The following CAMK4 variants were observed in gnomAD, a reference collection of about 807,000 sequenced individuals.
CAMK4 encodes calcium/calmodulin dependent protein kinase IV.
A neutral mutation model predicts 44.9 loss-of-function variants in CAMK4; 22 were observed. The ratio of observed to expected loss-of-function variants is 0.49; its 90% CI spans 0.35 to 0.70. The LOEUF is 0.70. Among genes scored for constraint, CAMK4 ranks in the 30% least tolerant of loss-of-function variants. The probability of loss-of-function intolerance (pLI) is 0.01; values close to 1 mark genes in which losing one functional copy is unlikely to be tolerated. For missense variants in CAMK4, 498 were observed against 586.8 expected (o/e 0.85, Z 1.56); for synonymous variants, 218 against 215.4 (o/e 1.01, Z -0.11).
intron 1 of CAMK4, among the ~76,000 whole-genome samples, chr5:111,282,413 G>C (rs1243700535): frequency 6.6e-6 from 1 of 150,538 alleles, no homozygotes; most frequent in East Asian, 2.0e-4. Flanking sequence ...AATTTTTCTA[G>C]TATACATTGC....
intron 1 of CAMK4, among the ~76,000 whole-genome samples, chr5:111,280,590 A>G (rs1409096400): frequency 1.3e-5 from 2 of 152,230 alleles, no homozygotes; most frequent in African/African-American, 4.8e-5. Context: ...AGTTGTTTCT[A>G]TAGGAAAGCC....
intron 1 of CAMK4, among the ~76,000 whole-genome samples, chr5:111,273,665 T>TA (rs1397098265): frequency 1.2e-4 from 15 of 127,510 alleles, no homozygotes; most frequent in African/African-American, 3.3e-4. Context: ...CCGTCAGCTT[T>TA]AAAAAATGCA....
Position 111,486,067 on chromosome 5 carries a change from CA to C in CAMK4, c.*1605del, listed in dbSNP as rs754128093. On this transcript the variant is annotated 3_prime_UTR_variant, in exon 11 of 11. Transcript: ENST00000282356. ...ATCTTAAATTATGTTGGCTCTCCCT[CA>C]AAACTATTAAATTAGAAAACGAAAC... 1 of 152,162 alleles carries C rather than the reference CA, an allele frequency of 6.6e-6. No homozygotes were observed. The highest frequency in any genetic ancestry group is 1.5e-5 in the Non-Finnish European group (1 of 68,026). 9.4% of individuals were successfully genotyped at this position (152,162 alleles called of 1,614,324 possible).
At chr5:111,443,794 A>G (rs1007215215) in intron 5 of CAMK4, among the ~76,000 whole-genome samples, 3 of 152,170 alleles carry the variant, frequency 2.0e-5, no homozygotes, top group African/African-American at 4.8e-5. Flanking sequence ...TCTCAACACA[A>G]TGGAGTTTCT....
At chr5:111,230,392 A>G (rs1424580022) in intron 1 of CAMK4, among the ~76,000 whole-genome samples, 1 of 152,238 alleles carries the variant, frequency 6.6e-6, no homozygotes, top group Non-Finnish European at 1.5e-5. Context: ...AATGCCTCCA[A>G]GCTATACCAT....
Position 111,465,178 on chromosome 5 carries a change from G to A in CAMK4, c.626-8133G>A, listed in dbSNP as rs373055220. ...CCTACTAATGATGGTGTTGCCTAAG[G>A]ATCACTCCGGGTTGCACTTAAGGCA... On this transcript the variant is annotated intron_variant, in intron 7 of 10. Transcript: ENST00000282356. 2.7e-4 allele frequency among the ~76,000 whole-genome samples: 41 copies of A among 151,756 alleles called. No individual in the cohort carries two copies. In the South Asian group the frequency reaches 5.6e-3, roughly 21 times the overall value.
chr5:111,473,426 T>A, intron 8 of CAMK4, 40 bp downstream of exon 8: 1 of 1,288,194 alleles, frequency 7.8e-7, no homozygotes. Flanking sequence ...ACTATTTACC[T>A]TGCTGTGACA....
At chr5:111,264,255 G>A (rs1444432256) in intron 1 of CAMK4, among the ~76,000 whole-genome samples, 1 of 152,182 alleles carries the variant, frequency 6.6e-6, no homozygotes, top group African/African-American at 2.4e-5. Flanking sequence ...GTGATTTGCA[G>A]TTATCTTGGT....
intron 1 of CAMK4, among the ~76,000 whole-genome samples, chr5:111,336,063 C>T (rs973057374): frequency 6.6e-6 from 1 of 151,214 alleles, no homozygotes; most frequent in Non-Finnish European, 1.5e-5. Context: ...AGAAATCAGG[C>T]TCAAAGTATT....
At chr5:111,285,258 C>A (rs1233940103) in intron 1 of CAMK4, among the ~76,000 whole-genome samples, 1 of 152,200 alleles carries the variant, frequency 6.6e-6, no homozygotes, top group African/African-American at 2.4e-5. Flanking sequence ...GAACTATACA[C>A]ATACACACAC....
chr5:111,280,716 C>A (rs1750973966), intron 1 of CAMK4, among the ~76,000 whole-genome samples: 1 of 152,200 alleles, frequency 6.6e-6, no homozygotes, highest in Non-Finnish European at 1.5e-5. Context: ...CAGATGGTAA[C>A]TGTGACACAG....
At chr5:111,334,731 T>G (rs1749325317) in intron 1 of CAMK4, among the ~76,000 whole-genome samples, 1 of 151,518 alleles carries the variant, frequency 6.6e-6, no homozygotes, top group Non-Finnish European at 1.5e-5. Flanking sequence ...TTTAAACCTT[T>G]TCCCTAATGA....
rs1750622318 is a variant in CAMK4, at chr5:111,273,695, A to ATATATATT, written c.161+49058_161+49059insTTATATAT. 3.8e-4 allele frequency among the ~76,000 whole-genome samples: 20 copies of ATATATATT among 52,410 alleles called. 2 individuals carry two copies. The highest frequency in any genetic ancestry group is 5.1e-4 in the Non-Finnish European group (16 of 31,252). 34.4% of individuals were successfully genotyped at this position (52,410 alleles called of 152,430 possible). A position where few individuals can be genotyped will look rare whatever the true frequency, so the allele number is the denominator to read the frequency against. ...AATGCATTTATATATATATATATAT[A>ATATATATT]TATATATATATATATATATATATAC... On this transcript the variant is annotated intron_variant, in intron 1 of 10. Coordinates refer to ENST00000282356, the MANE Select transcript of CAMK4 (RefSeq NM_001744.6).
At chr5:111,342,878 C>G (rs192119709) in intron 1 of CAMK4, among the ~76,000 whole-genome samples, 194 of 151,636 alleles carry the variant, frequency 1.3e-3, no homozygotes, top group African/African-American at 4.5e-3. Flanking sequence ...CAGTATTTCC[C>G]AATTTCTTCC....
At chr5:111,358,946 A>G (rs374618529) in intron 2 of CAMK4, among the ~76,000 whole-genome samples, 2 of 152,128 alleles carry the variant, frequency 1.3e-5, no homozygotes, top group Non-Finnish European at 2.9e-5. Context: ...CTATGTATAT[A>G]TGTACCACAT....
intron 7 of CAMK4, among the ~76,000 whole-genome samples, chr5:111,458,060 G>A (rs1754482568): frequency 6.6e-6 from 1 of 152,186 alleles, no homozygotes; most frequent in Non-Finnish European, 1.5e-5. Context: ...GGGAGAGGAA[G>A]TGAGGCAGAG....
At chr5:111,242,820 C>T (rs1237513127) in intron 1 of CAMK4, among the ~76,000 whole-genome samples, 22 of 149,656 alleles carry the variant, frequency 1.5e-4, no homozygotes, top group South Asian at 2.1e-4. Context: ...CTTCCCAAAC[C>T]GCGCCCCCTC....
At chr5:111,343,720 T>G (rs1012585500) in intron 1 of CAMK4, among the ~76,000 whole-genome samples, 2 of 151,752 alleles carry the variant, frequency 1.3e-5, no homozygotes, top group East Asian at 3.9e-4. Context: ...AAAAACAACA[T>G]TCACCTGAGG....
At chr5:111,370,230 C>G (rs868808730) in intron 2 of CAMK4, among the ~76,000 whole-genome samples, 4 of 152,086 alleles carry the variant, frequency 2.6e-5, no homozygotes, top group Non-Finnish European at 4.4e-5. Context: ...GCAGTCTGGC[C>G]TGTTCTGAGT....
Sources: gnomAD v4.1 joint callset for allele counts (sites outside exome capture counted in the v4.1 genomes callset) on GRCh38, gnomAD v4.1.1 for gene constraint, MANE v1.5 for transcripts, NCBI Gene and HGNC (gene_info 2026-07-23, HGNC 2026-07-21) for gene names.